The following ELAVL3 variants were observed in gnomAD, a reference collection of about 807,000 sequenced individuals.
The protein encoded by ELAVL3 is ELAV-like protein 3.
In ELAVL3, 8 loss-of-function variants were observed where a neutral mutation model predicts 34.2. The ratio of observed to expected loss-of-function variants is 0.23; its 90% CI spans 0.14 to 0.42. The LOEUF (loss-of-function observed/expected upper bound fraction) is 0.42, where lower values mean the gene tolerates loss of function less well. Ranked by LOEUF, ELAVL3 falls within the 10% of genes least tolerant of loss-of-function variation. The probability of loss-of-function intolerance (pLI) is 1.00; values close to 1 mark genes in which losing one functional copy is unlikely to be tolerated. For missense variants in ELAVL3, 273 were observed against 518.8 expected (o/e 0.53, Z 4.60); for synonymous variants, 209 against 222.1 (o/e 0.94, Z 0.53).
Position 11,458,252 on chromosome 19 carries a change from G to A in ELAVL3, c.522C>T (p.Asp174=). The A allele has an allele frequency of 6.2e-7, 1 of 1,614,024 alleles. No individual in the cohort carries two copies. The highest frequency in any genetic ancestry group is 8.5e-7 in the Non-Finnish European group (1 of 1,180,040). The part of the protein sequence containing the change: ...VSRGVGFIRF[D]KRIEAEEAIK... ...TAGCCTCTTCGGCCTCAATCCTCTT[G>A]TCAAAGCGGATGAATCCCACACCCC... Residue 174 remains aspartate, a synonymous_variant, in exon 5 of 7, where the codon GAC becomes GAT. Coordinates refer to ENST00000359227, the MANE Select transcript of ELAVL3 (RefSeq NM_001420.4). The surrounding 1 kb of genome is among the most constrained non-coding windows in gnomAD (Gnocchi z 7.3).
chr19:11,458,903 G>A lies in ELAVL3; in HGVS notation c.334-292C>T, dbSNP rs145500347. Among the ~76,000 whole-genome samples, 1,078 of 151,906 alleles carry A rather than the reference G, an allele frequency of 7.1e-3. 17 individuals are homozygous for A. Among genetic ancestry groups the A allele is most frequent in the African/African-American group, 0.025 (1,032 of 41,406 alleles). On this transcript the variant is annotated intron_variant, in intron 3 of 6. Coordinates refer to ENST00000359227, the MANE Select transcript of ELAVL3 (RefSeq NM_001420.4). This position sits in a 1 kb window ranked among gnomAD's most constrained non-coding sequence, Gnocchi z 7.3. ...ACCCCAAAGGGATCCTTGAATAGCC[G>A]GCTCACATCACTATCACATGCTTGA... is the stretch of plus-strand genomic sequence containing the variant.
chr19:11,461,096 T>C (rs1385406634), intron 3 of ELAVL3, among the ~76,000 whole-genome samples: 2 of 151,656 alleles, frequency 1.3e-5, no homozygotes, highest in Non-Finnish European at 1.5e-5. Flanking sequence ...GGAGGATCAC[T>C]TGAACCCAGG....
chr19:11,455,941 G>A (rs147918471), intron 6 of ELAVL3, among the ~76,000 whole-genome samples: 1 of 152,212 alleles, frequency 6.6e-6, no homozygotes, highest in Non-Finnish European at 1.5e-5. Flanking sequence ...CCAAGGGCCT[G>A]AACCATTCAA....
At chr19:11,457,204 GAC>G (rs1970786366) in intron 5 of ELAVL3, 56 bp from the exon 6 acceptor site, 1 of 1,512,672 alleles carries the variant, frequency 6.6e-7, no homozygotes, top group East Asian at 2.6e-5. Flanking sequence ...CCCCTGCTGT[GAC>G]ACCGTCGGCC....
At chr19:11,464,550 A>G (rs1233901733) in intron 3 of ELAVL3, among the ~76,000 whole-genome samples, 1 of 148,400 alleles carries the variant, frequency 6.7e-6, no homozygotes, top group Non-Finnish European at 1.5e-5. Flanking sequence ...TAAACACTGT[A>G]TCTCACAACT....
intron 3 of ELAVL3, among the ~76,000 whole-genome samples, chr19:11,463,304 C>G (rs996730780): frequency 4.6e-5 from 7 of 152,196 alleles, no homozygotes; most frequent in Admixed American, 4.6e-4. Flanking sequence ...AGCGCCCAGT[C>G]CTGACTGACC....
chr19:11,478,758 A>G (rs1433356867), intron 1 of ELAVL3, among the ~76,000 whole-genome samples: 1 of 152,004 alleles, frequency 6.6e-6, no homozygotes, highest in African/African-American at 2.4e-5. Flanking sequence ...TTTTGCAGTG[A>G]ACACACCTGA....
chr19:11,470,800 T>C (rs1007280827), intron 1 of ELAVL3, among the ~76,000 whole-genome samples: 2 of 152,198 alleles, frequency 1.3e-5, no homozygotes, highest in Admixed American at 6.5e-5. Context: ...TGCTCTGGCA[T>C]TGGAAATGAA....
At chr19:11,470,126 A>G (rs957564422) in intron 1 of ELAVL3, among the ~76,000 whole-genome samples, 3 of 152,192 alleles carry the variant, frequency 2.0e-5, no homozygotes, top group Non-Finnish European at 2.9e-5. Flanking sequence ...AGGCTGAGGC[A>G]GGAGGATCAC....
At chr19:11,472,637 G>A (rs1339310778) in intron 1 of ELAVL3, among the ~76,000 whole-genome samples, 1 of 151,786 alleles carries the variant, frequency 6.6e-6, no homozygotes, top group Non-Finnish European at 1.5e-5. Context: ...GGAGGTGGAG[G>A]TTGCAGTGAG....
At chr19:11,474,188 A>G (rs987841936) in intron 1 of ELAVL3, among the ~76,000 whole-genome samples, 2 of 151,990 alleles carry the variant, frequency 1.3e-5, no homozygotes, top group African/African-American at 4.8e-5. Flanking sequence ...ATGTGCCACC[A>G]TGCCTGGCTA....
intron 1 of ELAVL3, among the ~76,000 whole-genome samples, chr19:11,467,853 C>T (rs1971087045): frequency 6.6e-6 from 1 of 151,920 alleles, no homozygotes. Flanking sequence ...GCAGTGGTGC[C>T]ATGAAGTCTG....
chr19:11,465,269 CCA>C lies in ELAVL3; in HGVS notation c.333+901_333+902del, dbSNP rs1279004485. 8.7e-3 allele frequency among the ~76,000 whole-genome samples: 979 copies of C among 112,844 alleles called. 16 individuals are homozygous for C. The highest frequency in any genetic ancestry group is 0.049 in the African/African-American group (935 of 19,132). The allele number at this position is 112,844 out of a possible 152,430, so 74.0% of individuals were successfully genotyped here. A position where few individuals can be genotyped will look rare whatever the true frequency, so the allele number is the denominator to read the frequency against. Reference sequence around the variant, plus strand: ...CACACATACACACCGCACACATACACCACACACATACACACACACACACCACA... The same window carrying C: ...CACACATACACACCGCACACATACACCACACATACACACACACACACCACA... On this transcript the variant is annotated intron_variant, in intron 3 of 6. Transcript: ENST00000359227.
At chr19:11,470,528 T>G (rs1019138604) in intron 1 of ELAVL3, among the ~76,000 whole-genome samples, 1 of 141,840 alleles carries the variant, frequency 7.1e-6, no homozygotes, top group Non-Finnish European at 1.5e-5. Flanking sequence ...AAAAAAAAAA[T>G]TAGCCGGGCG....
chr19:11,466,561 T>C lies in ELAVL3; in HGVS notation c.229+47A>G. 2 of 1,601,388 alleles carry C rather than the reference T, an allele frequency of 1.2e-6. No homozygotes were observed. Among genetic ancestry groups the C allele is most frequent in the Non-Finnish European group, 1.7e-6 (2 of 1,171,740 alleles). On this transcript the variant is annotated intron_variant, in intron 2 of 6. Coordinates refer to ENST00000359227, the MANE Select transcript of ELAVL3 (RefSeq NM_001420.4). This position sits in a 1 kb window ranked among gnomAD's most constrained non-coding sequence, Gnocchi z 5.0. Reference sequence around the variant, plus strand: ...CACCTGCCCCCATCACCTCTGTATTTCTGAGGCTACCACCTCTGTTCCTCC... The same window carrying C: ...CACCTGCCCCCATCACCTCTGTATTCCTGAGGCTACCACCTCTGTTCCTCC...
rs2144923121 is a variant in ELAVL3 at position 11,480,542 on chromosome 19, A to G, written c.9+58T>C. ...CGCCGCACCCGCCCAATCTCCGCGGAGCCTGGGCCCAACTCCTCCCCGTCC... is the reference window on the plus strand; with the variant it reads ...CGCCGCACCCGCCCAATCTCCGCGGGGCCTGGGCCCAACTCCTCCCCGTCC... On this transcript the variant is annotated intron_variant, in intron 1 of 6. Coordinates refer to ENST00000359227, the MANE Select transcript of ELAVL3 (RefSeq NM_001420.4). This position sits in a 1 kb window ranked among gnomAD's most constrained non-coding sequence, Gnocchi z 6.8. 7.6e-7 allele frequency: 1 copy of G among 1,313,344 alleles called. No homozygotes were observed. Among genetic ancestry groups the G allele is most frequent in the Non-Finnish European group, 1.0e-6 (1 of 1,000,494 alleles). The allele number at this position is 1,313,344 out of a possible 1,614,324, so 81.4% of individuals were successfully genotyped here.
At position 11,453,614 on chromosome 19, in the gene ELAVL3, C is replaced by T. The variant is rs574811401; in HGVS notation, c.*912G>A. ...AGCCCCAGCTTCTGTCTCTTTCTGT[C>T]TATCCCTGTCCACGTGTCTGAGTTT... On this transcript the variant is annotated 3_prime_UTR_variant, in exon 7 of 7. Transcript: ENST00000359227. The T allele has an allele frequency of 1.3e-5, 2 of 152,896 alleles. No individual in the cohort carries two copies. Among genetic ancestry groups the T allele is most frequent in the Non-Finnish European group, 2.9e-5 (2 of 68,108 alleles). The allele number at this position is 152,896 out of a possible 1,614,324, so 9.5% of individuals were successfully genotyped here.
chr19:11,479,869 G>A (rs1599554977), intron 1 of ELAVL3, among the ~76,000 whole-genome samples: 1 of 151,880 alleles, frequency 6.6e-6, no homozygotes, highest in Non-Finnish European at 1.5e-5. Context: ...TAAGGGGGCT[G>A]TCTCGGCCTC....
At chr19:11,456,330 T>C (rs1316642910) in intron 6 of ELAVL3, among the ~76,000 whole-genome samples, 1 of 151,836 alleles carries the variant, frequency 6.6e-6, no homozygotes, top group Non-Finnish European at 1.5e-5. Context: ...GGTCTTGGAC[T>C]CCTGACCTCG....
Sources: allele counts gnomAD v4.1 joint callset (sites outside exome capture counted in the v4.1 genomes callset), GRCh38; gene constraint gnomAD v4.1.1; non-coding constraint Gnocchi (gnomAD v3.1); transcripts MANE v1.5; gene names NCBI Gene and HGNC (gene_info 2026-07-23, HGNC 2026-07-21).